The following PEPD variants were observed in gnomAD, a reference collection of about 807,000 sequenced individuals.
PEPD encodes peptidase D.
PEPD carries 53 observed loss-of-function variants against 60.7 expected under a neutral mutation model. The observed-to-expected ratio is 0.87, with a 90% CI of 0.70 to 1.10. PEPD has a LOEUF of 1.10. Among genes scored for constraint, PEPD ranks in the 50% least tolerant of loss-of-function variants. The pLI, the probability that PEPD is intolerant of heterozygous loss-of-function variation, is 0.00. For missense variants in PEPD, 711 were observed against 711.9 expected (o/e 1.00, Z 0.01); for synonymous variants, 267 against 284.1 (o/e 0.94, Z 0.60).
At chr19:33,450,480 T>C (rs2145250307) in intron 9 of PEPD, among the ~76,000 whole-genome samples, 1 of 152,336 alleles carries the variant, frequency 6.6e-6, no homozygotes, top group East Asian at 1.9e-4. Flanking sequence ...GGAATGGTTT[T>C]ATGGAACAAA....
rs1486066356 is a variant in PEPD at position 33,391,369 on chromosome 19, C to A, written c.1078G>T (p.Gly360Trp). 4 of 1,608,686 alleles carry A rather than the reference C, an allele frequency of 2.5e-6. No individual in the cohort carries two copies. The highest frequency in any genetic ancestry group is 3.4e-6 in the Non-Finnish European group (4 of 1,177,986). ...AGCCCGTGAGGCATAAACACGGCCC[C>A]CAGGTGAGCCTGGACCATGGCGTCC... ...SVDAMVQAHL[G>W]AVFMPHGLGH... Residue 360 changes from glycine (G) to tryptophan (W), a missense_variant, in exon 13 of 15, where the codon GGG becomes TGG. Transcript: ENST00000244137.
chr19:33,433,938 C>T (rs1276305639), intron 9 of PEPD, among the ~76,000 whole-genome samples: 1 of 152,166 alleles, frequency 6.6e-6, no homozygotes, highest in Non-Finnish European at 1.5e-5. Context: ...GCCAGTAAAC[C>T]ACACCCATCT....
intron 1 of PEPD, among the ~76,000 whole-genome samples, chr19:33,517,351 G>A (rs944524783): frequency 4.6e-5 from 7 of 151,860 alleles, no homozygotes; most frequent in African/African-American, 1.5e-4. Flanking sequence ...CCTGAGGTCA[G>A]GAGTTCGATA....
intron 9 of PEPD, among the ~76,000 whole-genome samples, chr19:33,457,854 C>CAGACAA (rs1969833750): frequency 7.9e-6 from 1 of 127,340 alleles, no homozygotes. Flanking sequence ...AACAAACAAG[C>CAGACAA]AAACAAAAAG....
At position 33,488,958 on chromosome 19, in the gene PEPD, G is replaced by A. The variant is rs117231728; in HGVS notation, c.503+1038C>T. On this transcript the variant is annotated intron_variant, in intron 6 of 14. Transcript: ENST00000244137. Reference sequence around the variant, plus strand: ...AGCTGCCCACTGTCCACGTGCAGCAGCCTCGAGCGCAGGGGCCTTGTCTGC... The same window carrying A: ...AGCTGCCCACTGTCCACGTGCAGCAACCTCGAGCGCAGGGGCCTTGTCTGC... Among the ~76,000 whole-genome samples the A allele has an allele frequency of 1.6e-3, 248 of 152,238 alleles. 8 individuals carry two copies. The East Asian group carries it at 0.043, about 27-fold the overall frequency.
intron 5 of PEPD, among the ~76,000 whole-genome samples, chr19:33,492,752 C>CA (rs1568499900): frequency 3.3e-5 from 5 of 151,312 alleles, no homozygotes; most frequent in Admixed American, 6.6e-5. Flanking sequence ...GTGGGTGTGG[C>CA]GCCAGGCCCA....
chr19:33,509,256 T>G (rs1970874893), intron 3 of PEPD, among the ~76,000 whole-genome samples: 1 of 152,224 alleles, frequency 6.6e-6, no homozygotes, highest in Non-Finnish European at 1.5e-5. Context: ...CAAAGGCAGT[T>G]GGCCCGGGTG....
chr19:33,391,609 A>T lies in PEPD; in HGVS notation c.968-130T>A, dbSNP rs1337065410. ...GCCTGAGGTGGGGGGTGAGGGGGCA[A>T]GGGTACTACATCGGGGGCCCAGGGG... On this transcript the variant is annotated intron_variant, in intron 12 of 14. Transcript: ENST00000244137. 3.6e-6 allele frequency: 3 copies of T among 838,154 alleles called. No homozygotes were observed. The African/African-American group carries it at 5.0e-5, about 14-fold the overall frequency. 51.9% of individuals were successfully genotyped at this position (838,154 alleles called of 1,614,324 possible).
At chr19:33,392,842 TGA>T (rs901954215) in intron 12 of PEPD, among the ~76,000 whole-genome samples, 9 of 152,088 alleles carry the variant, frequency 5.9e-5, no homozygotes, top group African/African-American at 1.9e-4. Flanking sequence ...CGAACAGGGA[TGA>T]GAGTCCACAC....
At chr19:33,443,235 A>C (rs1267601970) in intron 9 of PEPD, among the ~76,000 whole-genome samples, 1 of 152,194 alleles carries the variant, frequency 6.6e-6, no homozygotes, top group Non-Finnish European at 1.5e-5. Flanking sequence ...CGATTCTGTC[A>C]TATGTCCCTG....
intron 7 of PEPD, among the ~76,000 whole-genome samples, 164 bp from the exon 8 acceptor site, chr19:33,464,226 G>A (rs1199364814): frequency 2.0e-5 from 3 of 152,218 alleles, no homozygotes; most frequent in Non-Finnish European, 2.9e-5. Flanking sequence ...CAAGCTCCAT[G>A]GAACAGTCTA....
At chr19:33,466,228 G>A (rs562941084) in intron 7 of PEPD, among the ~76,000 whole-genome samples, 24 of 152,292 alleles carry the variant, frequency 1.6e-4, no homozygotes, top group African/African-American at 4.6e-4. Context: ...TAAGAAAGAC[G>A]AAAGGCAAAT....
chr19:33,433,234 AT>A (rs1420082400), intron 9 of PEPD, among the ~76,000 whole-genome samples: 6 of 152,198 alleles, frequency 3.9e-5, no homozygotes, highest in African/African-American at 1.4e-4. Flanking sequence ...AGGTTTCTTT[AT>A]AAAATGTCTG....
At chr19:33,491,174 G>T (rs184270313) in intron 5 of PEPD, among the ~76,000 whole-genome samples, 146 of 152,206 alleles carry the variant, frequency 9.6e-4, no homozygotes, top group African/African-American at 3.5e-3. Context: ...AAAGAGAAAG[G>T]CTGGGCACGG....
intron 9 of PEPD, among the ~76,000 whole-genome samples, chr19:33,429,749 A>G (rs1246837060): frequency 6.6e-6 from 1 of 152,230 alleles, no homozygotes; most frequent in Non-Finnish European, 1.5e-5. Flanking sequence ...TTTCCAACAC[A>G]CAGAACAATA....
rs187962390 is a variant in PEPD, at chr19:33,401,262, G to A, written c.967+459C>T. Among the ~76,000 whole-genome samples the A allele has an allele frequency of 7.2e-5, 11 of 152,302 alleles. No individual in the cohort carries two copies. In the East Asian group the frequency reaches 9.7e-4, roughly 13 times the overall value. On this transcript the variant is annotated intron_variant, in intron 12 of 14. Coordinates refer to ENST00000244137, the MANE Select transcript of PEPD (RefSeq NM_000285.4). ...CAGCTTAACTCAGTCTCCATGAGTC[G>A]GCTGCTTCCCCATTTACAGATGTGG... is the stretch of plus-strand genomic sequence containing the variant.
chr19:33,444,449 C>A (rs535974362), intron 9 of PEPD, among the ~76,000 whole-genome samples: 4 of 152,112 alleles, frequency 2.6e-5, no homozygotes, highest in Admixed American at 2.0e-4. Flanking sequence ...AGGGGCCAGG[C>A]AGCGGATGCA....
In PEPD at chr19:33,510,440, C is replaced by T. The variant is rs934313116; in HGVS notation, c.329+588G>A. On this transcript the variant is annotated intron_variant, in intron 3 of 14. Transcript: ENST00000244137. Reference sequence around the variant, plus strand: ...GTATATATGCAGAGGCTGGAAGGGGCGATGTCTGATTTACATAGGGCTCAG... The same window carrying T: ...GTATATATGCAGAGGCTGGAAGGGGTGATGTCTGATTTACATAGGGCTCAG... 3.9e-4 allele frequency among the ~76,000 whole-genome samples: 60 copies of T among 152,144 alleles called. 1 individual carries two copies. Among genetic ancestry groups the T allele is most frequent in the African/African-American group, 1.3e-3 (52 of 41,426 alleles).
chr19:33,517,080 C>G (rs1477805483), intron 1 of PEPD, among the ~76,000 whole-genome samples: 1 of 152,144 alleles, frequency 6.6e-6, no homozygotes, highest in Non-Finnish European at 1.5e-5. Flanking sequence ...ACCCGGGAGG[C>G]TAAGGCAGGA....
Sources: allele counts gnomAD v4.1 joint callset (sites outside exome capture counted in the v4.1 genomes callset), GRCh38; gene constraint gnomAD v4.1.1; transcripts MANE v1.5; gene names NCBI Gene and HGNC (gene_info 2026-07-23, HGNC 2026-07-21).